Variants in SIPA1L3 observed in about 807,000 individuals in gnomAD.
SIPA1L3 encodes the protein signal induced proliferation associated 1 like 3.
A neutral mutation model predicts 150.1 loss-of-function variants in SIPA1L3; 59 were observed. That is an observed-to-expected ratio of 0.39 (90% confidence interval 0.32 to 0.49). The LOEUF (loss-of-function observed/expected upper bound fraction) is 0.49, where lower values mean the gene tolerates loss of function less well. Ranked by LOEUF, SIPA1L3 falls within the 20% of genes least tolerant of loss-of-function variation. The probability of loss-of-function intolerance (pLI) is 0.86; values close to 1 mark genes in which losing one functional copy is unlikely to be tolerated. For synonymous variants in SIPA1L3, 1,070 were observed against 1,077.6 expected (o/e 0.99, Z 0.14); for missense variants, 2,211 against 2,489.5 (o/e 0.89, Z 2.38).
At chr19:38,151,716 G>A (rs954707037) in intron 12 of SIPA1L3, among the ~76,000 whole-genome samples, 1 of 152,072 alleles carries the variant, frequency 6.6e-6, no homozygotes, top group East Asian at 1.9e-4. Flanking sequence ...TAGTCCCAGC[G>A]CTTTGGGAAG....
At chr19:38,195,675 G>A (rs565594237) in intron 18 of SIPA1L3, among the ~76,000 whole-genome samples, 12 of 152,054 alleles carry the variant, frequency 7.9e-5, no homozygotes, top group East Asian at 1.9e-4. Context: ...TCCACAGGCC[G>A]ATCCGAATTC....
chr19:38,069,064 C>A (rs1320773779), intron 2 of SIPA1L3, among the ~76,000 whole-genome samples: 1 of 152,094 alleles, frequency 6.6e-6, no homozygotes, highest in East Asian at 1.9e-4. Flanking sequence ...ATGTTAGATC[C>A]CAGTCCACCC....
At chr19:37,963,151 CT>C (rs879910897) in intron 1 of SIPA1L3, among the ~76,000 whole-genome samples, 5 of 149,480 alleles carry the variant, frequency 3.3e-5, no homozygotes, top group South Asian at 2.1e-4. Context: ...CAGTTTCTTC[CT>C]TTTTTTTTTC....
chr19:38,027,234 G>A (rs1968535253), intron 1 of SIPA1L3, among the ~76,000 whole-genome samples: 2 of 152,142 alleles, frequency 1.3e-5, no homozygotes, highest in Non-Finnish European at 1.5e-5. Context: ...GTTGCAGTGA[G>A]CCAAGATGGC....
chr19:38,123,783 A>G (rs1170487049), intron 9 of SIPA1L3, among the ~76,000 whole-genome samples: 1 of 150,738 alleles, frequency 6.6e-6, no homozygotes. Context: ...TGATGGGTAC[A>G]CCTCCCAGAC....
chr19:38,198,608 G>A, intron 19 of SIPA1L3, 76 bp downstream of exon 19: 1 of 1,286,036 alleles, frequency 7.8e-7, no homozygotes, highest in Admixed American at 3.1e-5. Flanking sequence ...AGGGCCTCAT[G>A]GCTTTGCAGG....
At chr19:38,116,901 C>T (rs926876110) in intron 8 of SIPA1L3, among the ~76,000 whole-genome samples, 2 of 152,146 alleles carry the variant, frequency 1.3e-5, no homozygotes, top group Non-Finnish European at 2.9e-5. Context: ...ACTCACCTGC[C>T]CTGGGTGAAT....
At chr19:38,192,347 C>G (rs973116366) in intron 17 of SIPA1L3, 37 bp downstream of exon 17, 1 of 1,542,384 alleles carries the variant, frequency 6.5e-7, no homozygotes, top group Non-Finnish European at 8.7e-7. Context: ...CGACCCCCAG[C>G]TCCCAAGGGG....
intron 1 of SIPA1L3, among the ~76,000 whole-genome samples, chr19:37,945,698 G>A (rs1387380844): frequency 6.6e-6 from 1 of 152,152 alleles, no homozygotes; most frequent in African/African-American, 2.4e-5. Flanking sequence ...TGGCTACATA[G>A]CATTCCACTC....
chr19:37,914,914 C>T (rs1471162531), intron 1 of SIPA1L3, among the ~76,000 whole-genome samples: 2 of 152,282 alleles, frequency 1.3e-5, no homozygotes, highest in East Asian at 3.9e-4. Flanking sequence ...GACAGTAGTC[C>T]AGTGAAGTAA....
chr19:38,003,151 T>C (rs1568497256), intron 1 of SIPA1L3, among the ~76,000 whole-genome samples: 1 of 151,608 alleles, frequency 6.6e-6, no homozygotes, highest in Admixed American at 6.6e-5. Context: ...AAAGATAAAA[T>C]AAAAATAAGA....
At chr19:38,156,151 T>A (rs553783277) in intron 13 of SIPA1L3, among the ~76,000 whole-genome samples, 3 of 152,152 alleles carry the variant, frequency 2.0e-5, no homozygotes, top group African/African-American at 7.2e-5. Context: ...GGCCTCAGCC[T>A]CTTTGCTGTC....
Position 38,176,921 on chromosome 19 carries a change from A to G in SIPA1L3, c.4209-5598A>G, listed in dbSNP as rs1007285586. On this transcript the variant is annotated intron_variant, in intron 15 of 21. Transcript: ENST00000222345. ...GGGAGGCGGAGGTTGCAGTGAGCCA[A>G]GATCATGCCATTGCACTCCAGCCTG... Among the ~76,000 whole-genome samples, 18 of 152,028 alleles carry G rather than the reference A, an allele frequency of 1.2e-4. No individual in the cohort carries two copies. In the South Asian group the frequency reaches 1.2e-3, roughly 11 times the overall value.
intron 1 of SIPA1L3, among the ~76,000 whole-genome samples, chr19:37,942,873 G>A (rs150348418): frequency 2.9e-4 from 44 of 151,854 alleles, no homozygotes; most frequent in Admixed American, 3.9e-4. Flanking sequence ...TTTAACATGG[G>A]CTGAGGTTTT....
At chr19:38,196,456 G>A (rs115773384) in intron 18 of SIPA1L3, among the ~76,000 whole-genome samples, 2,615 of 54,974 alleles carry the variant, frequency 0.048, 6 homozygotes, top group Middle Eastern at 0.089. Context: ...GGTCAAGGGC[G>A]GAGTGTGGAG....
intron 3 of SIPA1L3, among the ~76,000 whole-genome samples, chr19:38,084,738 C>T (rs1970088288): frequency 6.7e-6 from 1 of 148,500 alleles, no homozygotes; most frequent in South Asian, 2.1e-4. Flanking sequence ...CTCCTGGGTT[C>T]ACGCGATTCT....
In SIPA1L3 at chr19:38,164,381, G is replaced by A; in HGVS notation, c.3781-98G>A. 5 of 1,149,964 alleles carry A rather than the reference G, an allele frequency of 4.3e-6. No individual in the cohort carries two copies. The highest frequency in any genetic ancestry group is 6.3e-6 in the Non-Finnish European group (5 of 799,540). The allele number at this position is 1,149,964 out of a possible 1,614,324, so 71.2% of individuals were successfully genotyped here. ...GAGAAGCCAGGATTTGAAGCTGTCT[G>A]GTCCCAGGGTTCAGGCCCAGGCAGA... On this transcript the variant is annotated intron_variant, in intron 14 of 21. Transcript: ENST00000222345. The surrounding 1 kb of genome is among the most constrained non-coding windows in gnomAD (Gnocchi z 4.1).
In SIPA1L3 at chr19:38,207,213, T is replaced by C. The variant is rs557836262; in HGVS notation, c.*973T>C. ...GAACAGCCTTCATCTCCTCCTCTGG[T>C]TTTTTTTTCCTTTGCAAGTCTCCCA... On this transcript the variant is annotated 3_prime_UTR_variant, in exon 22 of 22. Coordinates refer to ENST00000222345, the MANE Select transcript of SIPA1L3 (RefSeq NM_015073.3). The C allele has an allele frequency of 7.3e-5, 11 of 149,926 alleles. No homozygotes were observed. The highest frequency in any genetic ancestry group is 2.7e-4 in the African/African-American group (11 of 40,926). 9.3% of individuals were successfully genotyped at this position (149,926 alleles called of 1,614,324 possible).
At chr19:38,124,188 T>C (rs552465263) in intron 9 of SIPA1L3, among the ~76,000 whole-genome samples, 1 of 135,796 alleles carries the variant, frequency 7.4e-6, no homozygotes, top group African/African-American at 2.8e-5. Context: ...GGGCGGAGGG[T>C]CTCCTCACTT....
Sources: allele counts gnomAD v4.1 joint callset (sites outside exome capture counted in the v4.1 genomes callset), GRCh38; gene constraint gnomAD v4.1.1; non-coding constraint Gnocchi (gnomAD v3.1); transcripts MANE v1.5; gene names NCBI Gene and HGNC (gene_info 2026-07-23, HGNC 2026-07-21).